The following STARD13 variants were observed in gnomAD, a reference collection of about 807,000 sequenced individuals.
STARD13 encodes StAR related lipid transfer domain containing 13.
Under a neutral mutation model 106.4 loss-of-function variants are expected in STARD13, and 62 were observed. The ratio of observed to expected loss-of-function variants is 0.58; its 90% confidence interval spans 0.48 to 0.72. The LOEUF is 0.72. STARD13 is among the 30% of genes least tolerant of loss of function. The probability of loss-of-function intolerance (pLI) is 0.00; values close to 1 mark genes in which losing one functional copy is unlikely to be tolerated. For missense variants in STARD13, 1,387 were observed against 1,424.0 expected, an observed-to-expected ratio of 0.97 and a Z score of 0.42; for synonymous variants, 565 against 553.0, an observed-to-expected ratio of 1.02 and a Z score of -0.31.
At chr13:33,547,787 T>G in the STARD13 span, among the ~76,000 whole-genome samples, 1 of 152,174 alleles carries the variant, frequency 6.6e-6, no homozygotes, top group Non-Finnish European at 1.5e-5. Context: ...TAATAAAACT[T>G]AAAAGCATTT....
At chr13:33,472,454 CTCA>C in the STARD13 span, among the ~76,000 whole-genome samples, 1 of 152,082 alleles carries the variant, frequency 6.6e-6, no homozygotes. Context: ...AGGGGGCTGT[CTCA>C]TCATGCATTG....
intron 1 of STARD13, among the ~76,000 whole-genome samples, chr13:33,324,250 G>T (rs17646318): frequency 0.025 from 3,841 of 152,164 alleles, 86 homozygotes; most frequent in Non-Finnish European, 0.039. Context: ...GAGAATATTC[G>T]AAAACATTTG....
the STARD13 span, among the ~76,000 whole-genome samples, chr13:33,530,380 C>G: frequency 6.6e-6 from 1 of 152,180 alleles, no homozygotes; most frequent in Non-Finnish European, 1.5e-5. Context: ...TATTTCCTTG[C>G]ATTCTTCATT....
In STARD13 at chr13:33,104,660, A is replaced by G. The variant is rs1261164163; in HGVS notation, c.*933T>C. 1.3e-5 allele frequency: 2 copies of G among 153,166 alleles called. No homozygotes were observed. The highest frequency in any genetic ancestry group is 2.9e-5 in the Non-Finnish European group (2 of 68,044). 9.5% of individuals were successfully genotyped at this position (153,166 alleles called of 1,614,324 possible). ...GACATTTAATAACATTATGAAATGT[A>G]TTTATAAAAACTTGAGACAACACAG... On this transcript the variant is annotated 3_prime_UTR_variant, in exon 14 of 14. Coordinates refer to ENST00000336934, the MANE Select transcript of STARD13 (RefSeq NM_178006.4).
chr13:33,558,945 A>T, the STARD13 span, among the ~76,000 whole-genome samples: 1 of 151,592 alleles, frequency 6.6e-6, no homozygotes, highest in Non-Finnish European at 1.5e-5. Context: ...GGAAATTAGT[A>T]CATATCCTGA....
At position 33,112,004 on chromosome 13, in the gene STARD13, G is replaced by C. The variant is rs1420660633; in HGVS notation, c.2493-112C>G. 7.9e-6 allele frequency: 5 copies of C among 635,388 alleles called. No homozygotes were observed. The Admixed American group carries it at 1.0e-4, about 13-fold the overall frequency. The allele number at this position is 635,388 out of a possible 1,614,324, so 39.4% of individuals were successfully genotyped here. ...TACCCAGATGCTATCCAGATCCCAG[G>C]CTTTTGCGTTTCCAAATAAAAACAA... On this transcript the variant is annotated intron_variant, in intron 9 of 13. Transcript: ENST00000336934.
the STARD13 span, among the ~76,000 whole-genome samples, chr13:33,466,879 CA>C: frequency 5.2e-4 from 79 of 152,118 alleles, no homozygotes; most frequent in African/African-American, 1.9e-3. Context: ...TCTTTAAAGC[CA>C]CAAAGAAATT....
the STARD13 span, among the ~76,000 whole-genome samples, chr13:33,415,995 G>T: frequency 5.5e-3 from 841 of 152,270 alleles, 4 homozygotes; most frequent in Non-Finnish European, 9.8e-3. Context: ...ATAAGAAAAT[G>T]ATCATGTTTT....
intron 2 of STARD13, among the ~76,000 whole-genome samples, chr13:33,165,958 A>G (rs1245503209): frequency 6.6e-6 from 1 of 152,190 alleles, no homozygotes; most frequent in Non-Finnish European, 1.5e-5. Context: ...ACTTCCCTCC[A>G]ACAGACAATT....
chr13:33,303,476 T>C (rs1386076030), intron 1 of STARD13, among the ~76,000 whole-genome samples: 1 of 152,158 alleles, frequency 6.6e-6, no homozygotes, highest in Non-Finnish European at 1.5e-5. Flanking sequence ...AAATAAATGA[T>C]AGTGACACAT....
the STARD13 span, among the ~76,000 whole-genome samples, chr13:33,635,484 C>T: frequency 3.3e-5 from 5 of 151,180 alleles, no homozygotes; most frequent in Non-Finnish European, 1.5e-5. Context: ...ATGGTGAAAC[C>T]CCATCTCTAC....
intron 1 of STARD13, among the ~76,000 whole-genome samples, chr13:33,211,805 CTG>C (rs573541591): frequency 5.3e-4 from 79 of 148,230 alleles, no homozygotes; most frequent in South Asian, 1.3e-3. Context: ...AGAGCTGACT[CTG>C]TGTGTGTGTG....
At chr13:33,674,420 A>C in the STARD13 span, among the ~76,000 whole-genome samples, 2 of 152,276 alleles carry the variant, frequency 1.3e-5, no homozygotes, top group Non-Finnish European at 2.9e-5. Flanking sequence ...CTCTACAGAC[A>C]AATGACATAT....
At chr13:33,318,704 C>T (rs1169335506) in intron 1 of STARD13, among the ~76,000 whole-genome samples, 1 of 151,712 alleles carries the variant, frequency 6.6e-6, no homozygotes, top group Non-Finnish European at 1.5e-5. Context: ...ATAAAAAGAA[C>T]TCTTAAAAAT....
At chr13:33,133,933 A>T (rs1453733856) in intron 4 of STARD13, among the ~76,000 whole-genome samples, 1 of 152,034 alleles carries the variant, frequency 6.6e-6, no homozygotes, top group Non-Finnish European at 1.5e-5. Context: ...AGAGATTATC[A>T]GATTTCATCT....
chr13:33,458,520 C>G, the STARD13 span, among the ~76,000 whole-genome samples: 11 of 152,002 alleles, frequency 7.2e-5, no homozygotes, highest in East Asian at 3.8e-4. Context: ...TTTAGCAATT[C>G]TTTTAGTCTC....
intron 3 of STARD13, among the ~76,000 whole-genome samples, chr13:33,157,299 A>G (rs1378352647): frequency 6.6e-6 from 1 of 152,178 alleles, no homozygotes; most frequent in African/African-American, 2.4e-5. Flanking sequence ...CTTGTTTTGC[A>G]TGTGCTATAA....
chr13:33,641,321 TC>T, the STARD13 span, among the ~76,000 whole-genome samples: 5,446 of 152,208 alleles, frequency 0.036, 464 homozygotes, highest in East Asian at 0.19. Context: ...GCTCAAATGA[TC>T]CTCCCACCTT....
intron 1 of STARD13, among the ~76,000 whole-genome samples, chr13:33,174,069 A>G (rs1200607378): frequency 2.0e-5 from 3 of 152,210 alleles, no homozygotes; most frequent in Admixed American, 2.0e-4. Context: ...TTCCTATTAG[A>G]GTAAAAGAAG....
Sources: allele counts gnomAD v4.1 joint callset (sites outside exome capture counted in the v4.1 genomes callset), GRCh38; gene constraint gnomAD v4.1.1; transcripts MANE v1.5; gene names NCBI Gene and HGNC (gene_info 2026-07-23, HGNC 2026-07-21).